EXOC6B: variants seen among roughly 807,000 people sequenced by gnomAD.
EXOC6B encodes exocyst complex component 6B.
EXOC6B carries 54 observed loss-of-function variants against 113.5 expected under a neutral mutation model. The ratio of observed to expected loss-of-function variants is 0.48; its 90% CI spans 0.38 to 0.60. The LOEUF (loss-of-function observed/expected upper bound fraction) is 0.60. EXOC6B is among the 20% of genes least tolerant of loss of function. EXOC6B has a pLI of 0.00. For missense variants in EXOC6B, 797 were observed against 977.5 expected (o/e 0.82, Z 2.46); for synonymous variants, 357 against 339.0 (o/e 1.05, Z -0.58).
intron 18 of EXOC6B, among the ~76,000 whole-genome samples, chr2:72,400,692 C>T (rs1166010783): frequency 1.3e-5 from 2 of 149,874 alleles, no homozygotes; most frequent in African/African-American, 4.9e-5. Context: ...AGAAAAAATG[C>T]TCAACATCAC....
intron 1 of EXOC6B, among the ~76,000 whole-genome samples, chr2:72,758,166 C>CAA (rs59339550): frequency 1.1e-5 from 1 of 93,816 alleles, no homozygotes; most frequent in Non-Finnish European, 2.2e-5. Flanking sequence ...GACTCTGTCT[C>CAA]AAAAAAAAAA....
At chr2:72,467,706 T>C (rs1698139225) in intron 17 of EXOC6B, among the ~76,000 whole-genome samples, 1 of 152,318 alleles carries the variant, frequency 6.6e-6, no homozygotes. Context: ...TTTCAGTTCT[T>C]TATATATTCT....
At chr2:72,665,035 G>A (rs376939465) in intron 6 of EXOC6B, among the ~76,000 whole-genome samples, 6 of 152,208 alleles carry the variant, frequency 3.9e-5, no homozygotes, top group African/African-American at 1.4e-4. Flanking sequence ...CTGAAGAGGG[G>A]TGGGATGTGG....
At chr2:72,696,417 G>A (rs139863626) in intron 6 of EXOC6B, among the ~76,000 whole-genome samples, 113 of 152,190 alleles carry the variant, frequency 7.4e-4, no homozygotes, top group African/African-American at 2.6e-3. Context: ...TTATAATAAC[G>A]GTCCCCAGTA....
In EXOC6B at chr2:72,480,537, G is replaced by C. The variant is rs77812017; in HGVS notation, c.1800+79C>G. 1.7e-3 allele frequency: 2,217 copies of C among 1,275,382 alleles called. 5 individuals carry two copies. The highest frequency in any genetic ancestry group is 0.01 in the Middle Eastern group (54 of 5,188). The allele number at this position is 1,275,382 out of a possible 1,614,324, so 79.0% of individuals were successfully genotyped here. On this transcript the variant is annotated intron_variant, in intron 17 of 21. Coordinates refer to ENST00000272427, the MANE Select transcript of EXOC6B (RefSeq NM_015189.3). The stretch of plus-strand genomic sequence containing the variant: ...AGAGCATGTTATAAACCATCTTACA[G>C]AAACAAGGCCATGTTAGGTAGAACG...
At chr2:72,764,266 A>G (rs1290184721) in intron 1 of EXOC6B, among the ~76,000 whole-genome samples, 1 of 151,834 alleles carries the variant, frequency 6.6e-6, no homozygotes, top group Non-Finnish European at 1.5e-5. Context: ...TGTAATATAA[A>G]TAATATAGTT....
chr2:72,383,988 G>GCCCTA (rs1691844035), intron 18 of EXOC6B, among the ~76,000 whole-genome samples: 2 of 151,880 alleles, frequency 1.3e-5, no homozygotes, highest in Non-Finnish European at 2.9e-5. Context: ...CAGATGCTAG[G>GCCCTA]GCCTGCTTGA....
At chr2:72,433,715 A>G (rs948886684) in intron 18 of EXOC6B, among the ~76,000 whole-genome samples, 12 of 152,110 alleles carry the variant, frequency 7.9e-5, no homozygotes, top group Non-Finnish European at 1.5e-4. Flanking sequence ...TTTGTCTATT[A>G]TTGGTGTATA....
chr2:72,519,940 CATGAGGAA>C (rs1701402293), intron 8 of EXOC6B, among the ~76,000 whole-genome samples: 1 of 152,158 alleles, frequency 6.6e-6, no homozygotes, highest in Admixed American at 6.5e-5. Context: ...GGACATGGGC[CATGAGGAA>C]ATGTGTGGCT....
At chr2:72,344,990 A>G (rs557117282) in intron 19 of EXOC6B, among the ~76,000 whole-genome samples, 2 of 151,944 alleles carry the variant, frequency 1.3e-5, no homozygotes, top group Non-Finnish European at 2.9e-5. Flanking sequence ...CAATTACCCA[A>G]TATTTGGAGG....
intron 2 of EXOC6B, among the ~76,000 whole-genome samples, chr2:72,739,528 T>C (rs1184397111): frequency 1.3e-5 from 2 of 152,132 alleles, no homozygotes; most frequent in Non-Finnish European, 2.9e-5. Flanking sequence ...ATAGGTTCTT[T>C]CCTTTTAATG....
chr2:72,734,979 G>A (rs6546784), intron 2 of EXOC6B, among the ~76,000 whole-genome samples: 7,466 of 152,202 alleles, frequency 0.049, 608 homozygotes, highest in African/African-American at 0.17. Flanking sequence ...AAGTGGCTCC[G>A]TAAAAATGGA....
rs35689508 is a variant in EXOC6B at position 72,539,733 on chromosome 2, CGTGTGT to C, written c.915+19714_915+19719del. Reference sequence around the variant, plus strand: ...ATCTTTTCCTTTCCTGTGGGCTATGCGTGTGTGTGTGTGTGTGCGCGCGCGCGCGCG... The same window carrying C: ...ATCTTTTCCTTTCCTGTGGGCTATGCGTGTGTGTGTGCGCGCGCGCGCGCG... On this transcript the variant is annotated intron_variant, in intron 8 of 21. Transcript: ENST00000272427. Among the ~76,000 whole-genome samples the C allele has an allele frequency of 4.6e-3, 688 of 151,048 alleles. 6 individuals carry two copies. The highest frequency in any genetic ancestry group is 0.015 in the African/African-American group (620 of 41,186).
intron 20 of EXOC6B, among the ~76,000 whole-genome samples, chr2:72,310,202 G>A (rs183855922): frequency 9.3e-4 from 141 of 152,182 alleles, no homozygotes; most frequent in African/African-American, 3.2e-3. Flanking sequence ...ACTTTTTGAG[G>A]AAACACTAAA....
chr2:72,487,372 T>C (rs931824970), intron 16 of EXOC6B, among the ~76,000 whole-genome samples: 2 of 152,196 alleles, frequency 1.3e-5, no homozygotes. Context: ...GTTTTTGTTT[T>C]TGTTTTTGAG....
intron 6 of EXOC6B, among the ~76,000 whole-genome samples, chr2:72,717,130 A>G (rs1679670153): frequency 6.6e-6 from 1 of 152,190 alleles, no homozygotes; most frequent in South Asian, 2.1e-4. Flanking sequence ...TAACACTGAC[A>G]AAATTTAAAG....
chr2:72,596,730 C>T (rs1670097748), intron 6 of EXOC6B, among the ~76,000 whole-genome samples: 1 of 151,856 alleles, frequency 6.6e-6, no homozygotes, highest in Admixed American at 6.6e-5. Flanking sequence ...ACCTTACCAC[C>T]ACATTAATAA....
intron 6 of EXOC6B, among the ~76,000 whole-genome samples, chr2:72,644,981 GAC>G (rs1202982720): frequency 6.6e-6 from 1 of 152,128 alleles, no homozygotes; most frequent in African/African-American, 2.4e-5. Context: ...CCACTTAAAA[GAC>G]ACAGACTGGC....
intron 17 of EXOC6B, among the ~76,000 whole-genome samples, chr2:72,472,643 G>T (rs1013191587): frequency 4.6e-5 from 7 of 151,964 alleles, no homozygotes; most frequent in African/African-American, 1.7e-4. Flanking sequence ...CCTTTTCAAG[G>T]AACCGACTTT....
Sources: allele counts gnomAD v4.1 joint callset (sites outside exome capture counted in the v4.1 genomes callset), GRCh38; gene constraint gnomAD v4.1.1; transcripts MANE v1.5; gene names NCBI Gene and HGNC (gene_info 2026-07-23, HGNC 2026-07-21).